SYNPR: variants seen among roughly 807,000 people sequenced by gnomAD.
The protein encoded by SYNPR is synaptoporin.
SYNPR carries 23 observed loss-of-function variants against 32.9 expected under a neutral mutation model. That is an observed-to-expected ratio of 0.70 (90% CI 0.50 to 0.99). The LOEUF is 0.99. SYNPR is among the 50% of genes least tolerant of loss of function. SYNPR has a pLI of 0.00. For synonymous variants in SYNPR, 146 were observed against 135.9 expected (o/e 1.07, Z -0.52); for missense variants, 318 against 349.3 (o/e 0.91, Z 0.71).
At chr3:63,406,688 T>TTGGA (rs2088365011) in intron 2 of SYNPR, among the ~76,000 whole-genome samples, 1 of 152,108 alleles carries the variant, frequency 6.6e-6, no homozygotes. Flanking sequence ...GAAAGCTTTA[T>TTGGA]TGGATGTAGA....
intron 2 of SYNPR, among the ~76,000 whole-genome samples, chr3:63,442,885 A>G (rs1009816971): frequency 2.0e-5 from 3 of 152,164 alleles, no homozygotes; most frequent in Non-Finnish European, 4.4e-5. Context: ...ACATAACAAC[A>G]TTTACTTAAT....
intron 2 of SYNPR, among the ~76,000 whole-genome samples, chr3:63,399,445 C>T (rs937994315): frequency 3.3e-5 from 5 of 152,086 alleles, no homozygotes; most frequent in African/African-American, 9.7e-5. Flanking sequence ...TTTCTATAGG[C>T]GGTCTGGAAG....
chr3:63,255,170 G>T (rs1182001209), intron 2 of SYNPR, among the ~76,000 whole-genome samples: 2 of 147,710 alleles, frequency 1.4e-5, no homozygotes, highest in African/African-American at 4.9e-5. Context: ...AAATTCTCCT[G>T]GGGAGGCGGT....
At chr3:63,442,039 G>A (rs574403804) in intron 2 of SYNPR, among the ~76,000 whole-genome samples, 63 of 152,240 alleles carry the variant, frequency 4.1e-4, no homozygotes, top group African/African-American at 1.4e-3. Flanking sequence ...TCCTCGTTAT[G>A]GTTTTTTGGT....
chr3:63,392,940 G>A (rs1478403054), intron 2 of SYNPR, among the ~76,000 whole-genome samples: 2 of 152,096 alleles, frequency 1.3e-5, no homozygotes, highest in Non-Finnish European at 2.9e-5. Context: ...ACTCATTCTA[G>A]TAGTGTATTA....
At chr3:63,443,297 C>T (rs770074408) in intron 2 of SYNPR, 27 of 1,478,388 alleles carry the variant, frequency 1.8e-5, no homozygotes, top group Non-Finnish European at 2.3e-5. Flanking sequence ...CTCACTTTCC[C>T]TCTGCATTGA....
chr3:63,462,014 A>G (rs1419273348), intron 2 of SYNPR, among the ~76,000 whole-genome samples: 1 of 152,060 alleles, frequency 6.6e-6, no homozygotes, highest in East Asian at 1.9e-4. Context: ...AGGAAGACCC[A>G]TCCCGTCTTG....
chr3:63,382,508 C>T (rs998588317), intron 2 of SYNPR, among the ~76,000 whole-genome samples: 4 of 152,174 alleles, frequency 2.6e-5, no homozygotes, highest in Non-Finnish European at 2.9e-5. Context: ...CCAGGTTGTT[C>T]TTTTCGTGGT....
the SYNPR span, among the ~76,000 whole-genome samples, chr3:63,205,743 G>A: frequency 6.6e-6 from 1 of 152,182 alleles, no homozygotes; most frequent in Non-Finnish European, 1.5e-5. Context: ...TTCATAACCT[G>A]TACGCACGAT....
rs115962805 is a variant in SYNPR at position 63,233,606 on chromosome 3, A to G, written n.66+5226A>G. 6.1e-4 allele frequency among the ~76,000 whole-genome samples: 93 copies of G among 152,342 alleles called. 1 individual carries two copies. The Middle Eastern group carries it at 0.01, about 17-fold the overall frequency. On this transcript the variant is annotated intron_variant and non_coding_transcript_variant, in intron 1 of 4. Coordinates refer to the SYNPR transcript ENST00000478456. The stretch of plus-strand genomic sequence containing the variant: ...AAGAGGCTCTTTTACTCTGCATGGA[A>G]TATGTCTGCACTCAACCTAAGTTTG...
intron 4 of SYNPR, among the ~76,000 whole-genome samples, chr3:63,594,233 T>C (rs757517450): frequency 1.3e-5 from 2 of 152,132 alleles, no homozygotes; most frequent in Non-Finnish European, 2.9e-5. Context: ...ACACAGACTT[T>C]GGAGCTTAGC....
intron 2 of SYNPR, among the ~76,000 whole-genome samples, chr3:63,371,111 T>C (rs1158264561): frequency 6.6e-6 from 1 of 152,050 alleles, no homozygotes; most frequent in Non-Finnish European, 1.5e-5. Context: ...CCACCTGGGA[T>C]GGCATAGAGC....
rs2086497330 is a variant in SYNPR, at chr3:63,267,167, G to C, written n.155-150G>C. 3.3e-5 allele frequency: 5 copies of C among 152,294 alleles called. No homozygotes were observed. The South Asian group carries it at 6.2e-4, about 19-fold the overall frequency. 9.4% of individuals were successfully genotyped at this position (152,294 alleles called of 1,614,324 possible). ...AAAAAGTGAGCTGATGTTTGAAAAT[G>C]TATCAGGTTAACTAATGGTGGACTA... is the stretch of plus-strand genomic sequence containing the variant. On this transcript the variant is annotated intron_variant and non_coding_transcript_variant, in intron 2 of 4. Coordinates refer to the SYNPR transcript ENST00000478456.
At chr3:63,273,462 T>C (rs540337604), upstream of SYNPR, among the ~76,000 whole-genome samples, 20 of 152,286 alleles carry the variant, frequency 1.3e-4, no homozygotes, top group African/African-American at 4.6e-4. Flanking sequence ...CTACTTAATA[T>C]TAATACTTAA....
chr3:63,429,622 A>G (rs1190385556), intron 2 of SYNPR, among the ~76,000 whole-genome samples: 8 of 152,250 alleles, frequency 5.3e-5, no homozygotes, highest in African/African-American at 1.2e-4. Context: ...TTAAATGTAT[A>G]ACTTGTTGAC....
At chr3:63,612,732 C>A (rs1700217425) in intron 5 of SYNPR, among the ~76,000 whole-genome samples, 1 of 152,154 alleles carries the variant, frequency 6.6e-6, no homozygotes, top group Non-Finnish European at 1.5e-5. Flanking sequence ...TTTTAAGTAG[C>A]ATTTCCTTGA....
intron 2 of SYNPR, among the ~76,000 whole-genome samples, chr3:63,370,951 A>T (rs983089071): frequency 6.6e-6 from 1 of 152,168 alleles, no homozygotes; most frequent in South Asian, 2.1e-4. Context: ...ATGGCTGACT[A>T]GAAGGAGCTA....
chr3:63,442,251 C>CAA (rs1553636506), intron 2 of SYNPR, among the ~76,000 whole-genome samples: 1 of 150,136 alleles, frequency 6.7e-6, no homozygotes, highest in African/African-American at 2.5e-5. Flanking sequence ...GGAAGGAAAG[C>CAA]GAGAGAGAGA....
intron 2 of SYNPR, among the ~76,000 whole-genome samples, chr3:63,477,999 T>C (rs1274490348): frequency 6.6e-6 from 1 of 152,154 alleles, no homozygotes; most frequent in Non-Finnish European, 1.5e-5. Context: ...TCAAAGTACA[T>C]CCATGTACCT....
Sources: gnomAD v4.1 joint callset for allele counts (sites outside exome capture counted in the v4.1 genomes callset) on GRCh38, gnomAD v4.1.1 for gene constraint, MANE v1.5 for transcripts, NCBI Gene and HGNC (gene_info 2026-07-23, HGNC 2026-07-21) for gene names.